Variants in NF1 observed in about 807,000 individuals in gnomAD.
NF1 encodes neurofibromin 1.
A neutral mutation model predicts 325.7 loss-of-function variants in NF1; 122 were observed. That is an observed-to-expected ratio of 0.37 (90% CI 0.32 to 0.44). The LOEUF (loss-of-function observed/expected upper bound fraction) is 0.44, where lower values mean the gene tolerates loss of function less well. Among genes scored for constraint, NF1 ranks in the 20% least tolerant of loss-of-function variants. NF1 has a pLI of 1.00. For synonymous variants in NF1, 1,091 were observed against 1,186.0 expected (o/e 0.92, Z 1.65); for missense variants, 2,140 against 3,415.4 (o/e 0.63, Z 9.31).
intron 1 of NF1, among the ~76,000 whole-genome samples, chr17:31,109,277 A>G (rs754035435): frequency 1.3e-5 from 2 of 152,150 alleles, no homozygotes; most frequent in Non-Finnish European, 2.9e-5. Flanking sequence ...ATTCATGTAC[A>G]CTTGAGCTCA....
intron 1 of NF1, among the ~76,000 whole-genome samples, chr17:31,117,297 T>C (rs1255280487): frequency 6.6e-6 from 1 of 152,058 alleles, no homozygotes; most frequent in African/African-American, 2.4e-5. Flanking sequence ...ACCGTTTTTA[T>C]TAATTATATT....
Position 31,163,182 on chromosome 17 carries a change from T to A in NF1, c.289-4T>A, listed in dbSNP as rs1258767746. The stretch of plus-strand genomic sequence containing the variant: ...TTAGAATAATGTGATTATTTCTATT[T>A]TAGCAACCAAAGGACACAATGAGAT... On this transcript the variant is annotated splice_region_variant and splice_polypyrimidine_tract_variant and intron_variant, in intron 3 of 57. Transcript: ENST00000358273. 6.2e-7 allele frequency: 1 copy of A among 1,613,896 alleles called. No individual in the cohort carries two copies. Among genetic ancestry groups the A allele is most frequent in the South Asian group, 1.1e-5 (1 of 91,050 alleles).
chr17:31,221,579 T>C (rs986109799), intron 14 of NF1, among the ~76,000 whole-genome samples: 1 of 152,174 alleles, frequency 6.6e-6, no homozygotes, highest in Non-Finnish European at 1.5e-5. Flanking sequence ...TTTACAGTTA[T>C]ATATTGTTCC....
In NF1 at chr17:31,201,074, G is replaced by T; in HGVS notation, c.1100G>T (p.Gly367Val). 1 of 1,613,986 alleles carries T rather than the reference G, an allele frequency of 6.2e-7. No homozygotes were observed. ...AATCCAAGTAAGCCATTCTCAAGAG[G>T]CAGTCAGCCTGCAGATGTGGATCTA... ...LFNPSKPFSR[G>V]SQPADVDLMI... The change falls in exon 10 of 58, where the codon GGC becomes GTC. Residue 367 changes from glycine (G) to valine (V), a missense_variant. Physicochemically the swap from Gly to Val is moderately radical, Grantham distance 109 (BLOSUM62 -3). Around this residue, in one of 10 missense-constraint regions of NF1, gnomAD observed 179 missense variants for 381.0 expected, o/e 0.47. Transcript: ENST00000358273.
chr17:31,182,831 T>A, intron 8 of NF1, 166 bp downstream of exon 8: 1 of 659,838 alleles, frequency 1.5e-6, no homozygotes. Context: ...GACATACTCA[T>A]ACATAATTTT....
intron 12 of NF1, among the ~76,000 whole-genome samples, chr17:31,208,097 TTC>T (rs1165068954): frequency 6.6e-6 from 1 of 152,196 alleles, no homozygotes; most frequent in African/African-American, 2.4e-5. Context: ...TATAAGCTGA[TTC>T]TCAGAGCTAC....
At chr17:31,267,973 T>A (rs929756081) in intron 36 of NF1, among the ~76,000 whole-genome samples, 7 of 152,192 alleles carry the variant, frequency 4.6e-5, no homozygotes, top group African/African-American at 1.4e-4. Context: ...AAAGCAGTCA[T>A]TTGTATTTTC....
chr17:31,280,192 A>G (rs2068088693), intron 36 of NF1, among the ~76,000 whole-genome samples: 1 of 151,946 alleles, frequency 6.6e-6, no homozygotes, highest in East Asian at 1.9e-4. Flanking sequence ...TTTATAGCCC[A>G]TATAAAGTTT....
At chr17:31,172,301 G>A (rs1453820564) in intron 5 of NF1, among the ~76,000 whole-genome samples, 2 of 152,014 alleles carry the variant, frequency 1.3e-5, no homozygotes, top group African/African-American at 4.8e-5. Context: ...CTGCATTCCA[G>A]CCTGGGTAAC....
At chr17:31,151,047 AATAAAT>A (rs1916908939) in intron 1 of NF1, among the ~76,000 whole-genome samples, 1 of 148,864 alleles carries the variant, frequency 6.7e-6, no homozygotes, top group Non-Finnish European at 1.5e-5. Context: ...AAAAAAAATA[AATAAAT>A]AAATAAAAAT....
intron 21 of NF1, 109 bp downstream of exon 21, chr17:31,229,574 T>C: frequency 1.4e-6 from 2 of 1,383,872 alleles, no homozygotes; most frequent in Non-Finnish European, 2.0e-6. Context: ...TTTTTAAAAA[T>C]TTCCAAAAAA....
chr17:31,187,347 C>T (rs1438863018), intron 8 of NF1, among the ~76,000 whole-genome samples: 5 of 152,024 alleles, frequency 3.3e-5, no homozygotes, highest in South Asian at 2.1e-4. Context: ...TATAGGTGTG[C>T]GCCACCACGC....
chr17:31,324,467 C>T (rs2069291699), intron 36 of NF1, among the ~76,000 whole-genome samples: 1 of 152,166 alleles, frequency 6.6e-6, no homozygotes, highest in Non-Finnish European at 1.5e-5. Context: ...TTTCGTCTAG[C>T]TGTTTTGAAA....
At position 31,220,683 on chromosome 17, in the gene NF1, G is replaced by A. The variant is rs548881022; in HGVS notation, c.1642-1167G>A. Among the ~76,000 whole-genome samples the A allele has an allele frequency of 4.6e-5, 7 of 152,034 alleles. No individual in the cohort carries two copies. The South Asian group carries it at 1.2e-3, about 27-fold the overall frequency. On this transcript the variant is annotated intron_variant, in intron 14 of 57. Coordinates refer to ENST00000358273, the MANE Select transcript of NF1 (RefSeq NM_001042492.3). ...GTCAAGTGAGTATACTGCATTTATG[G>A]CTTTGTTAAAACATGGAAAATACAA...
intron 1 of NF1, among the ~76,000 whole-genome samples, chr17:31,132,300 G>A (rs955095974): frequency 6.6e-6 from 1 of 152,060 alleles, no homozygotes; most frequent in Non-Finnish European, 1.5e-5. Context: ...CCAGCACTTT[G>A]CGAGGCTGAG....
rs113819417 is a variant in NF1 at position 31,198,075 on chromosome 17, C to T, written c.889-2347C>T. Among the ~76,000 whole-genome samples the T allele has an allele frequency of 8.2e-3, 1,255 of 152,142 alleles. 25 individuals carry two copies. The highest frequency in any genetic ancestry group is 0.029 in the African/African-American group (1,197 of 41,506). On this transcript the variant is annotated intron_variant, in intron 8 of 57. Transcript: ENST00000358273. ...AGATGATCATGTGGAGTTTCTTCTT[C>T]ATTCTATTAATGTGGTATATTACAT...
chr17:31,139,392 A>G (rs1285992855), intron 1 of NF1, among the ~76,000 whole-genome samples: 1 of 150,798 alleles, frequency 6.6e-6, no homozygotes, highest in African/African-American at 2.4e-5. Flanking sequence ...ACACACACAC[A>G]CACACACACA....
At chr17:31,133,472 C>T (rs897945718) in intron 1 of NF1, 1 of 152,158 alleles carries the variant, frequency 6.6e-6, no homozygotes, top group African/African-American at 2.4e-5. Context: ...CAAGACCCTG[C>T]TTTCAGTTCT....
At position 31,159,061 on chromosome 17, in the gene NF1, A is replaced by C. The variant is rs757057811; in HGVS notation, c.256A>C (p.Ile86Leu). The stretch of plus-strand genomic sequence containing the variant: ...AAATTTATATCTCTCTCAGTTGATT[A>C]TATTGGATACACTGGAAAAATGTCT... ...EKNLYLSQLI[I>L]LDTLEKCLAG... is the part of the protein sequence containing the mutation. The change falls in exon 3 of 58, where the codon ATA becomes CTA. Residue 86 changes from isoleucine (I) to leucine (L), a missense_variant. Ile to Leu is a conservative substitution (Grantham distance 5, BLOSUM62 2). Around this residue, in one of 10 missense-constraint regions of NF1, gnomAD observed 246 missense variants for 347.8 expected, o/e 0.71. Coordinates refer to ENST00000358273, the MANE Select transcript of NF1 (RefSeq NM_001042492.3). The C allele has an allele frequency of 1.2e-6, 2 of 1,609,168 alleles. 1 individual carries two copies. The highest frequency in any genetic ancestry group is 3.3e-5 in the Admixed American group (2 of 59,986).
Sources: gnomAD v4.1 joint callset for allele counts (sites outside exome capture counted in the v4.1 genomes callset) on GRCh38, gnomAD v4.1.1 for gene constraint, gnomAD v4.1.1 regional missense constraint, MANE v1.5 for transcripts, NCBI Gene and HGNC (gene_info 2026-07-23, HGNC 2026-07-21) for gene names.